Variants in HPRT1 observed in about 807,000 individuals in gnomAD.
The protein encoded by HPRT1 is hypoxanthine-guanine phosphoribosyltransferase.
A neutral mutation model predicts 19.0 loss-of-function variants in HPRT1; 4 were observed. The observed-to-expected ratio is 0.21, with a 90% CI of 0.10 to 0.48. The LOEUF is 0.48. Among genes scored for constraint, HPRT1 ranks in the 20% least tolerant of loss-of-function variants. HPRT1 has a pLI of 0.98. For synonymous variants in HPRT1, 53 were observed against 54.9 expected, an observed-to-expected ratio of 0.97 and a Z score of 0.15; for missense variants, 65 against 164.0, an observed-to-expected ratio of 0.40 and a Z score of 3.30.
At chrX:134,488,873 T>A (rs1320021642) in intron 4 of HPRT1, among the ~76,000 whole-genome samples, 1 of 112,107 alleles carries the variant, frequency 8.9e-6, no homozygotes, top group African/African-American at 3.2e-5. Context: ...TTTTTTGTAT[T>A]CATTTTCTCC....
At chrX:134,497,636 A>AAAAAG (rs997842883) in intron 6 of HPRT1, among the ~76,000 whole-genome samples, 15 of 108,961 alleles carry the variant, frequency 1.4e-4, no homozygotes, top group East Asian at 5.8e-4. Flanking sequence ...CCATCTCAAA[A>AAAAAG]AAAAGAAAAG....
chrX:134,490,254 A>T (rs1417076507), intron 5 of HPRT1, 49 bp downstream of exon 5: 2 of 727,725 alleles, frequency 2.7e-6, no homozygotes, highest in Non-Finnish European at 4.2e-6. Flanking sequence ...TTTCTAACTT[A>T]GTATGCACCA....
intron 5 of HPRT1, among the ~76,000 whole-genome samples, chrX:134,491,536 G>A (rs1245964723): frequency 9.0e-6 from 1 of 110,532 alleles, no homozygotes; most frequent in African/African-American, 3.3e-5. Context: ...TTACATTTTT[G>A]TTATCCATTC....
chrX:134,494,550 T>C (rs1278221408), intron 6 of HPRT1, among the ~76,000 whole-genome samples: 3 of 111,701 alleles, frequency 2.7e-5, no homozygotes, highest in Non-Finnish European at 5.6e-5. Context: ...TTCAAGTGTT[T>C]ATCAGTGAGT....
chrX:134,461,719 G>A, intron 1 of HPRT1, among the ~76,000 whole-genome samples: 3 of 111,611 alleles, frequency 2.7e-5, no homozygotes, highest in Middle Eastern at 4.6e-3. Flanking sequence ...CTGTAGCAAT[G>A]GTATGATTAT....
chrX:134,475,418 ATTTTC>A, intron 3 of HPRT1, 54 bp downstream of exon 3: 1 of 814,822 alleles, frequency 1.2e-6, no homozygotes, highest in Admixed American at 2.4e-5. Flanking sequence ...GTTTTCTTAT[ATTTTC>A]TTTGAATCTC....
At chrX:134,493,093 C>T (rs1381878768) in intron 5 of HPRT1, among the ~76,000 whole-genome samples, 4 of 111,739 alleles carry the variant, frequency 3.6e-5, no homozygotes, top group East Asian at 2.8e-4. Context: ...CATTTTATAG[C>T]GTTATTAATT....
rs137991109 is a variant in HPRT1 at position 134,466,188 on chromosome X, G to C, written c.27+5850G>C. Among the ~76,000 whole-genome samples the C allele has an allele frequency of 6.7e-3, 742 of 110,647 alleles. 5 individuals carry two copies. The highest frequency in any genetic ancestry group is 7.7e-3 in the Non-Finnish European group (410 of 52,942). ...TAATCCCAGCACTTTGGGAGGCCAA[G>C]GTGGGTGGATCACGAGGTCAGGAGT... On this transcript the variant is annotated intron_variant, in intron 1 of 8. Coordinates refer to ENST00000298556, the MANE Select transcript of HPRT1 (RefSeq NM_000194.3).
intron 1 of HPRT1, among the ~76,000 whole-genome samples, chrX:134,472,311 A>G (rs2077612363): frequency 1.8e-5 from 2 of 111,127 alleles, no homozygotes; most frequent in Non-Finnish European, 3.8e-5. Context: ...ATCTTGTTAG[A>G]CTACAGTGTG....
intron 3 of HPRT1, 24 bp downstream of exon 3, chrX:134,475,388 C>T: frequency 3.0e-6 from 3 of 985,252 alleles, no homozygotes; most frequent in Admixed American, 2.2e-5. Context: ...ATATATGATT[C>T]TTTTTAGTGG....
intron 6 of HPRT1, among the ~76,000 whole-genome samples, chrX:134,494,050 T>G (rs1022975222): frequency 1.2e-4 from 13 of 112,193 alleles, no homozygotes; most frequent in African/African-American, 4.2e-4. Flanking sequence ...TCACCTTACC[T>G]ATGCTGTTTT....
At chrX:134,494,600 A>G (rs2077675537) in intron 6 of HPRT1, among the ~76,000 whole-genome samples, 1 of 111,988 alleles carries the variant, frequency 8.9e-6, no homozygotes, top group Non-Finnish European at 1.9e-5. Context: ...CTATGAGAGT[A>G]TATAAGTGAT....
At chrX:134,465,991 AC>A (rs17885259) in intron 1 of HPRT1, among the ~76,000 whole-genome samples, 8 of 105,837 alleles carry the variant, frequency 7.6e-5, no homozygotes, top group South Asian at 4.2e-4. Flanking sequence ...GTCCTCCCAC[AC>A]CCCCCCCATA....
At chrX:134,499,211 G>A (rs2077688806) in intron 8 of HPRT1, among the ~76,000 whole-genome samples, 1 of 112,027 alleles carries the variant, frequency 8.9e-6, no homozygotes, top group Non-Finnish European at 1.9e-5. Context: ...GGTTGCGGTG[G>A]CTCACACCTG....
intron 6 of HPRT1, among the ~76,000 whole-genome samples, chrX:134,494,081 A>G (rs1392222993): frequency 9.0e-6 from 1 of 111,157 alleles, no homozygotes; most frequent in Non-Finnish European, 1.9e-5. Flanking sequence ...TTATAGTTCT[A>G]CCTGTGTTTA....
At chrX:134,491,984 TAC>T (rs1187302222) in intron 5 of HPRT1, among the ~76,000 whole-genome samples, 2 of 99,380 alleles carry the variant, frequency 2.0e-5, no homozygotes, top group African/African-American at 7.5e-5. Context: ...TAAATATATA[TAC>T]ATATATATAT....
At chrX:134,460,466 C>A in intron 1 of HPRT1, 128 bp downstream of exon 1, 1 of 483,302 alleles carries the variant, frequency 2.1e-6, no homozygotes, top group Non-Finnish European at 2.9e-6. Context: ...CAGGCGGGGG[C>A]GGCCAGTTTC....
intron 5 of HPRT1, among the ~76,000 whole-genome samples, chrX:134,491,883 C>T (rs1264190982): frequency 9.6e-6 from 1 of 104,581 alleles, no homozygotes; most frequent in Non-Finnish European, 1.9e-5. Context: ...AGGTGTGCGC[C>T]ACCATGCCTG....
intron 6 of HPRT1, among the ~76,000 whole-genome samples, chrX:134,497,901 C>T (rs1328212861): frequency 9.3e-6 from 1 of 107,799 alleles, no homozygotes; most frequent in African/African-American, 3.4e-5. Context: ...GAGCGGAGAT[C>T]GCGCCACTGC....
Sources: gnomAD v4.1 joint callset for allele counts (sites outside exome capture counted in the v4.1 genomes callset) on GRCh38, gnomAD v4.1.1 for gene constraint, MANE v1.5 for transcripts, NCBI Gene and HGNC (gene_info 2026-07-23, HGNC 2026-07-21) for gene names.